The following RNF112 variants were observed in gnomAD, a reference collection of about 807,000 sequenced individuals.
RNF112 encodes brain finger protein.
RNF112 carries 34 observed loss-of-function variants against 64.7 expected under a neutral mutation model. The ratio of observed to expected loss-of-function variants is 0.53; its 90% confidence interval spans 0.40 to 0.70. The LOEUF (loss-of-function observed/expected upper bound fraction) is 0.70, where lower values mean the gene tolerates loss of function less well. RNF112 is among the 30% of genes least tolerant of loss of function. The probability of loss-of-function intolerance (pLI) is 0.00; values close to 1 mark genes in which losing one functional copy is unlikely to be tolerated. For missense variants in RNF112, 734 were observed against 850.0 expected (o/e 0.86, Z 1.70); for synonymous variants, 345 against 344.5 (o/e 1.00, Z -0.02).
rs1351036760 is a variant in RNF112, at chr17:19,416,476, C to T, written c.*301C>T. The T allele has an allele frequency of 2.2e-5, 7 of 320,444 alleles. No homozygotes were observed. Among genetic ancestry groups the T allele is most frequent in the Non-Finnish European group, 3.5e-5 (6 of 173,446 alleles). 19.9% of individuals were successfully genotyped at this position (320,444 alleles called of 1,614,324 possible). A position where few individuals can be genotyped will look rare whatever the true frequency, so the allele number is the denominator to read the frequency against. ...GGGTTTCTGGCTGCAAGTGAGACTC[C>T]ACCCTCCCCACCTGGCTCATTTCCC... On this transcript the variant is annotated 3_prime_UTR_variant, in exon 14 of 14. Coordinates refer to ENST00000461366, the MANE Select transcript of RNF112 (RefSeq NM_007148.5).
chr17:19,411,455 G>T lies in RNF112; in HGVS notation c.47G>T (p.Gly16Val), dbSNP rs758880328. 6 of 1,459,414 alleles carry T rather than the reference G, an allele frequency of 4.1e-6. No homozygotes were observed. In the Admixed American group the frequency reaches 1.1e-4, roughly 27 times the overall value. The allele number at this position is 1,459,414 out of a possible 1,614,324, so 90.4% of individuals were successfully genotyped here. ...LSVTSFCHRL[G>V]KRERKQSFMG... ...GTCACTTCCTTTTGTCATCGGCTTGGCAAACGGGCAAGTCTTCAGTCCTAA... is the reference window on the plus strand; with the variant it reads ...GTCACTTCCTTTTGTCATCGGCTTGTCAAACGGGCAAGTCTTCAGTCCTAA... Residue 16 changes from glycine (G) to valine (V), a missense_variant, in exon 1 of 14, where the codon GGC becomes GTC. Gly to Val is a moderately radical substitution (Grantham distance 109, BLOSUM62 -3). Transcript: ENST00000461366.
In RNF112 at chr17:19,412,837, C is replaced by T; in HGVS notation, c.381+54C>T. On this transcript the variant is annotated intron_variant, in intron 3 of 13. Coordinates refer to ENST00000461366, the MANE Select transcript of RNF112 (RefSeq NM_007148.5). This position sits in a 1 kb window ranked among gnomAD's most constrained non-coding sequence, Gnocchi z 5.1. ...CCCAAGAGGAGGGGGTGGCTTTGGC[C>T]CTATTCTAGAACATCAGGACACAGA... The T allele has an allele frequency of 6.3e-7, 1 of 1,591,888 alleles. No homozygotes were observed.
intron 2 of RNF112, 112 bp downstream of exon 2, chr17:19,411,782 G>T: frequency 8.7e-7 from 1 of 1,151,524 alleles, no homozygotes; most frequent in Non-Finnish European, 1.3e-6. Flanking sequence ...AGGGCTGTCC[G>T]CCTGAGGCTG....
chr17:19,414,533 G>A (rs753816927), intron 8 of RNF112, 28 bp downstream of exon 8: 27 of 1,613,808 alleles, frequency 1.7e-5, no homozygotes, highest in Non-Finnish European at 2.1e-5. Flanking sequence ...GGATTCATTG[G>A]CCCCAGGCCC....
chr17:19,414,037 C>A, intron 6 of RNF112, 58 bp from the exon 7 acceptor site: 1 of 1,497,580 alleles, frequency 6.7e-7, no homozygotes, highest in Non-Finnish European at 9.3e-7. Flanking sequence ...AGGGCCTTCC[C>A]CAGTGAAGTC....
chr17:19,411,762 C>G, intron 2 of RNF112, 92 bp downstream of exon 2: 2 of 1,356,998 alleles, frequency 1.5e-6, no homozygotes, highest in East Asian at 2.5e-5. Context: ...AGCCCGGCAG[C>G]CCAGCCGGGA....
In RNF112 at chr17:19,416,687, G is replaced by T; in HGVS notation, c.*512G>T. ...AAGGAAGGAACACTGGGCAGAACCA[G>T]AGAGATGGGACATGGTAGACTGTGG... On this transcript the variant is annotated 3_prime_UTR_variant, in exon 14 of 14. Transcript: ENST00000461366. 6.3e-6 allele frequency: 1 copy of T among 159,468 alleles called. No individual in the cohort carries two copies. The allele number at this position is 159,468 out of a possible 1,614,324, so 9.9% of individuals were successfully genotyped here. A position where few individuals can be genotyped will look rare whatever the true frequency, so the allele number is the denominator to read the frequency against.
Position 19,412,613 on chromosome 17 carries a change from G to C in RNF112, c.211G>C (p.Asp71His). 6.2e-7 allele frequency: 1 copy of C among 1,613,424 alleles called. No individual in the cohort carries two copies. The highest frequency in any genetic ancestry group is 8.5e-7 in the Non-Finnish European group (1 of 1,179,776). Residue 71 changes from aspartate to histidine, a missense_variant, in exon 3 of 14, where the codon GAC becomes CAC. Physicochemically the swap from Asp to His is moderately conservative, Grantham distance 81. Coordinates refer to ENST00000461366, the MANE Select transcript of RNF112 (RefSeq NM_007148.5). The surrounding 1 kb of genome is among the most constrained non-coding windows in gnomAD (Gnocchi z 5.1). ...LERLRDPISL[D>H]CGHDFCIRCF... ...GAGGTTGCGCGACCCCATCTCGCTG[G>C]ACTGTGGCCACGACTTCTGCATACG...
chr17:19,415,403 G>A lies in RNF112; in HGVS notation c.1350+64G>A. ...CAGGGGAGGCAGGGAGGTGGGGGCT[G>A]TGCCGAGGCCTCCGGGGTGGGGGTC... On this transcript the variant is annotated intron_variant, in intron 12 of 13. Coordinates refer to ENST00000461366, the MANE Select transcript of RNF112 (RefSeq NM_007148.5). This position sits in a 1 kb window ranked among gnomAD's most constrained non-coding sequence, Gnocchi z 7.8. 6.5e-7 allele frequency: 1 copy of A among 1,548,656 alleles called. No homozygotes were observed. Among genetic ancestry groups the A allele is most frequent in the South Asian group, 1.2e-5 (1 of 82,332 alleles).
rs954928336 is a variant in RNF112 at position 19,411,270 on chromosome 17, G to A, written c.-139G>A. 38 of 712,862 alleles carry A rather than the reference G, an allele frequency of 5.3e-5. No homozygotes were observed. The highest frequency in any genetic ancestry group is 2.9e-4 in the South Asian group (16 of 55,752). 44.2% of individuals were successfully genotyped at this position (712,862 alleles called of 1,614,324 possible). On this transcript the variant is annotated 5_prime_UTR_variant, in exon 1 of 14. Transcript: ENST00000461366. The stretch of plus-strand genomic sequence containing the variant: ...AGCTCTGACCGGGAGTCAGCTCCTC[G>A]GGGATACCATCCCCCGACCTCACCT...
Position 19,413,263 on chromosome 17 carries a change from C to G in RNF112, c.589-17C>G. 1 of 1,600,490 alleles carries G rather than the reference C, an allele frequency of 6.2e-7. No homozygotes were observed. Among genetic ancestry groups the G allele is most frequent in the Non-Finnish European group, 8.5e-7 (1 of 1,170,690 alleles). On this transcript the variant is annotated splice_polypyrimidine_tract_variant and intron_variant, in intron 4 of 13. Coordinates refer to ENST00000461366, the MANE Select transcript of RNF112 (RefSeq NM_007148.5). The surrounding 1 kb of genome is among the most constrained non-coding windows in gnomAD (Gnocchi z 5.9). ...AAGGAACCGACCAACTGATGCTCTC[C>G]CTTCTCTCCCCTGCAGGAGTCTGGT... is the stretch of plus-strand genomic sequence containing the variant.
rs1913926714 is a variant in RNF112, at chr17:19,417,228, TG to T, written c.*1056del. ...GGCTATGAAACTTACAGGGTATGGGTGGGCACATTATCCTTTATTTTATGAA... is the reference window on the plus strand; with the variant it reads ...GGCTATGAAACTTACAGGGTATGGGTGGCACATTATCCTTTATTTTATGAA... On this transcript the variant is annotated 3_prime_UTR_variant, in exon 14 of 14. Coordinates refer to ENST00000461366, the MANE Select transcript of RNF112 (RefSeq NM_007148.5). 6.6e-6 allele frequency: 1 copy of T among 152,120 alleles called. No individual in the cohort carries two copies. Among genetic ancestry groups the T allele is most frequent in the Admixed American group, 6.6e-5 (1 of 15,248 alleles). The allele number at this position is 152,120 out of a possible 1,614,324, so 9.4% of individuals were successfully genotyped here.
rs1231948806 is a variant in RNF112, at chr17:19,414,508, G to A, written c.933+3G>A. The A allele has an allele frequency of 1.2e-6, 2 of 1,613,974 alleles. No individual in the cohort carries two copies. Among genetic ancestry groups the A allele is most frequent in the Non-Finnish European group, 1.7e-6 (2 of 1,179,862 alleles). On this transcript the variant is annotated splice_donor_region_variant and intron_variant, in intron 8 of 13. Coordinates refer to ENST00000461366, the MANE Select transcript of RNF112 (RefSeq NM_007148.5). Reference sequence around the variant, plus strand: ...ATTATGGGATGGTGCCAATCCAGGTGAGACACCTATCTCTGGATTCATTGG... The same window carrying A: ...ATTATGGGATGGTGCCAATCCAGGTAAGACACCTATCTCTGGATTCATTGG...
At position 19,413,648 on chromosome 17, in the gene RNF112, CTG is replaced by C; in HGVS notation, c.795_796del (p.Ala266SerfsTer53). 6.2e-7 allele frequency: 1 copy of C among 1,612,568 alleles called. No individual in the cohort carries two copies. On this transcript the variant is annotated frameshift_variant, in exon 6 of 14. Coordinates refer to ENST00000461366, the MANE Select transcript of RNF112 (RefSeq NM_007148.5). LOFTEE classifies it high-confidence loss of function. The surrounding 1 kb of genome is among the most constrained non-coding windows in gnomAD (Gnocchi z 5.9). ...TGAGCAGGGAAACAAGGATCAAGCT[CTG>C]TGCTCTCACCACGATGCTGAGCTCC... The part of the protein sequence containing the change: ...ELSRETRIKL[C>X]ALTTMLSSYQ...
In RNF112 at chr17:19,413,679, C is replaced by A; in HGVS notation, c.823C>A (p.Gln275Lys). ...CALTTMLSSY[Q>K]ILSTSQELKD... ...TCTCACCACGATGCTGAGCTCCTAC[C>A]AGGTGATGGGGGGCGCTGATGTTGG... Residue 275 changes from glutamine to lysine, a missense_variant and splice_region_variant, in exon 6 of 14, where the codon CAG becomes AAG. Coordinates refer to ENST00000461366, the MANE Select transcript of RNF112 (RefSeq NM_007148.5). This position sits in a 1 kb window ranked among gnomAD's most constrained non-coding sequence, Gnocchi z 5.9. 1 of 1,605,684 alleles carries A rather than the reference C, an allele frequency of 6.2e-7. No homozygotes were observed. Among genetic ancestry groups the A allele is most frequent in the Non-Finnish European group, 8.5e-7 (1 of 1,175,904 alleles).
intron 2 of RNF112, 98 bp downstream of exon 2, chr17:19,411,768 C>G (rs1004741375): frequency 7.7e-7 from 1 of 1,296,884 alleles, no homozygotes; most frequent in Non-Finnish European, 1.1e-6. Context: ...GCAGCCCAGC[C>G]GGGAGGGCTG....
At position 19,415,315 on chromosome 17, in the gene RNF112, G is replaced by T. The variant is rs1480952492; in HGVS notation, c.1326G>T (p.Gly442=). ...TCTCAGGATGGATGGGGAGGACAGG[G>T]CCCGGTTTCACCTCTCCGGATGAGG... The part of the protein sequence containing the change: ...KNLSGWMGRT[G]PGFTSPDEMA... Residue 442 remains glycine (G), a synonymous_variant, in exon 12 of 14, where the codon GGG becomes GGT. Transcript: ENST00000461366. The surrounding 1 kb of genome is among the most constrained non-coding windows in gnomAD (Gnocchi z 7.8). 6.2e-7 allele frequency: 1 copy of T among 1,609,372 alleles called. No individual in the cohort carries two copies.
rs1176721073 is a variant in RNF112 at position 19,413,264 on chromosome 17, C to T, written c.589-16C>T. The T allele has an allele frequency of 2.5e-6, 4 of 1,601,850 alleles. No individual in the cohort carries two copies. The highest frequency in any genetic ancestry group is 3.4e-6 in the Non-Finnish European group (4 of 1,171,798). On this transcript the variant is annotated splice_polypyrimidine_tract_variant and intron_variant, in intron 4 of 13. Coordinates refer to ENST00000461366, the MANE Select transcript of RNF112 (RefSeq NM_007148.5). This position sits in a 1 kb window ranked among gnomAD's most constrained non-coding sequence, Gnocchi z 5.9. ...AGGAACCGACCAACTGATGCTCTCCCTTCTCTCCCCTGCAGGAGTCTGGTG... is the reference window on the plus strand; with the variant it reads ...AGGAACCGACCAACTGATGCTCTCCTTTCTCTCCCCTGCAGGAGTCTGGTG...
At position 19,412,383 on chromosome 17, in the gene RNF112, G is replaced by T; in HGVS notation, c.96-115G>T. The T allele has an allele frequency of 1.7e-6, 2 of 1,148,750 alleles. No homozygotes were observed. The highest frequency in any genetic ancestry group is 2.9e-5 in the Admixed American group (1 of 35,008). 71.2% of individuals were successfully genotyped at this position (1,148,750 alleles called of 1,614,324 possible). On this transcript the variant is annotated intron_variant, in intron 2 of 13. Transcript: ENST00000461366. The surrounding 1 kb of genome is among the most constrained non-coding windows in gnomAD (Gnocchi z 5.1). The stretch of plus-strand genomic sequence containing the variant: ...TCCATGGAGGCACTGATGGAAATTG[G>T]GTTGGCACAAAGGGACCTCCACTCC...
Sources: allele counts gnomAD v4.1 joint callset, GRCh38; gene constraint gnomAD v4.1.1; non-coding constraint Gnocchi (gnomAD v3.1); transcripts MANE v1.5; gene names NCBI Gene and HGNC (gene_info 2026-07-23, HGNC 2026-07-21).